The following SYCP2 variants were observed in gnomAD, a reference collection of about 807,000 sequenced individuals.
The protein encoded by SYCP2 is synaptonemal complex protein 2, also known as synaptonemal complex lateral element protein.
A neutral mutation model predicts 211.3 loss-of-function variants in SYCP2; 55 were observed. The ratio of observed to expected loss-of-function variants is 0.26; its 90% CI spans 0.21 to 0.33. The LOEUF is 0.33. SYCP2 is among the 10% of genes least tolerant of loss of function. The probability of loss-of-function intolerance (pLI) is 1.00; values close to 1 mark genes in which losing one functional copy is unlikely to be tolerated. For synonymous variants in SYCP2, 570 were observed against 555.2 expected (o/e 1.03, Z -0.37); for missense variants, 1,731 against 1,752.0 (o/e 0.99, Z 0.21).
Position 59,875,255 on chromosome 20 carries a change from A to G in SYCP2, c.3349+16T>C, listed in dbSNP as rs531304324. 6.5e-7 allele frequency: 1 copy of G among 1,533,198 alleles called. No homozygotes were observed. Among genetic ancestry groups the G allele is most frequent in the East Asian group, 2.3e-5 (1 of 43,480 alleles). The allele number at this position is 1,533,198 out of a possible 1,614,324, so 95.0% of individuals were successfully genotyped here. ...TATTGAATATTCAAGTAAAGAAAAA[A>G]CAAAGTTATACTGACATCTCGTTAC... is the stretch of plus-strand genomic sequence containing the variant. On this transcript the variant is annotated intron_variant, in intron 34 of 44. Transcript: ENST00000357552.
chr20:59,903,569 T>C (rs138713448), intron 15 of SYCP2, among the ~76,000 whole-genome samples: 80 of 152,108 alleles, frequency 5.3e-4, no homozygotes, highest in African/African-American at 1.9e-3. Context: ...GTGGAGAACT[T>C]GGAGAAATTA....
At chr20:59,905,508 A>G (rs1370274235) in intron 15 of SYCP2, among the ~76,000 whole-genome samples, 1 of 152,170 alleles carries the variant, frequency 6.6e-6, no homozygotes, top group Non-Finnish European at 1.5e-5. Context: ...GAAGCTGGAC[A>G]AAAATTGCTA....
chr20:59,881,441 T>C lies in SYCP2; in HGVS notation c.2710A>G (p.Arg904Gly), dbSNP rs199508061. The change falls in exon 29 of 45, where the codon AGA becomes GGA. Residue 904 changes from arginine to glycine, a missense_variant. Transcript: ENST00000357552. ...AKEACADRSI[R>G]LVGPRNHDEL... The stretch of plus-strand genomic sequence containing the variant: ...TAATCTAATAAAAATACCTACAATC[T>C]AATTGACCTATCCGCACAAGCTTCT... 1.0e-5 allele frequency: 15 copies of C among 1,501,444 alleles called. No individual in the cohort carries two copies. Among genetic ancestry groups the C allele is most frequent in the Non-Finnish European group, 1.4e-5 (15 of 1,102,098 alleles). 93.0% of individuals were successfully genotyped at this position (1,501,444 alleles called of 1,614,324 possible). A position where few individuals can be genotyped will look rare whatever the true frequency, so the allele number is the denominator to read the frequency against.
Position 59,875,309 on chromosome 20 carries a change from G to A in SYCP2, c.3311C>T (p.Ser1104Phe), listed in dbSNP as rs753842335. 1.2e-6 allele frequency: 2 copies of A among 1,610,770 alleles called. No homozygotes were observed. The highest frequency in any genetic ancestry group is 8.5e-7 in the Non-Finnish European group (1 of 1,178,108). Reference protein sequence around the residue: ...RDNCLDLSPRSLSGSPSSIEV... With the variant: ...RDNCLDLSPRFLSGSPSSIEV... ...TATAGATGATGGACTGCCAGATAAAGATCTGGGAGATAAGTCAAGGCAATT... is the reference window on the plus strand; with the variant it reads ...TATAGATGATGGACTGCCAGATAAAAATCTGGGAGATAAGTCAAGGCAATT... Residue 1104 changes from serine (S) to phenylalanine (F), a missense_variant, in exon 34 of 45, where the codon TCT becomes TTT. By Grantham distance (155) the Ser-to-Phe change is radical. Around this residue, in one of 3 missense-constraint regions of SYCP2, gnomAD observed 1,387 missense variants for 1,351.3 expected, o/e 1.03. Transcript: ENST00000357552.
intron 1 of SYCP2, among the ~76,000 whole-genome samples, chr20:59,932,930 C>T (rs556078641): frequency 1.1e-4 from 16 of 152,226 alleles, no homozygotes; most frequent in African/African-American, 3.6e-4. Context: ...CCCTTCTTCC[C>T]TAAGTGGAAC....
chr20:59,866,450 A>G (rs1250834843), intron 40 of SYCP2, 45 bp downstream of exon 40: 2 of 1,560,602 alleles, frequency 1.3e-6, no homozygotes, highest in Non-Finnish European at 1.8e-6. Context: ...GAATATAGGA[A>G]TATGTAGCAT....
chr20:59,919,556 A>C lies in SYCP2; in HGVS notation c.339T>G (p.Ser113Arg). The C allele has an allele frequency of 1.2e-6, 2 of 1,610,462 alleles. No individual in the cohort carries two copies. The highest frequency in any genetic ancestry group is 1.7e-6 in the Non-Finnish European group (2 of 1,177,864). Reference sequence around the variant, plus strand: ...CAGCTTCATCTTTTGAATTTCCTTGACTCTGAATAATGTCCTTGGATTTTT... The same window carrying C: ...CAGCTTCATCTTTTGAATTTCCTTGCCTCTGAATAATGTCCTTGGATTTTT... ...WFEKSKDIIQ[S>R]QGNSKDEAVL... The change falls in exon 6 of 45, where the codon AGT (serine) becomes AGG (arginine). Residue 113 changes from serine to arginine, a missense_variant. Ser to Arg is a moderately radical substitution (Grantham distance 110, BLOSUM62 -1). Transcript: ENST00000357552.
chr20:59,926,724 T>C (rs2060640661), intron 2 of SYCP2, among the ~76,000 whole-genome samples: 1 of 151,994 alleles, frequency 6.6e-6, no homozygotes, highest in South Asian at 2.1e-4. Context: ...GCCAAAAACA[T>C]GGGATTCAAA....
intron 15 of SYCP2, among the ~76,000 whole-genome samples, chr20:59,904,649 C>T (rs911024270): frequency 2.6e-5 from 4 of 151,954 alleles, no homozygotes; most frequent in African/African-American, 4.8e-5. Flanking sequence ...TATGACTGAT[C>T]GAGAGAGGAA....
At chr20:59,923,235 T>C (rs550558788) in intron 2 of SYCP2, among the ~76,000 whole-genome samples, 1 of 152,098 alleles carries the variant, frequency 6.6e-6, no homozygotes, top group African/African-American at 2.4e-5. Flanking sequence ...ATAAACGTCA[T>C]TGATTCTCCC....
intron 2 of SYCP2, among the ~76,000 whole-genome samples, chr20:59,929,594 G>A (rs191473706): frequency 2.0e-5 from 3 of 152,158 alleles, no homozygotes; most frequent in Admixed American, 2.0e-4. Flanking sequence ...CTCAGAATAT[G>A]GTGCATCTCA....
At chr20:59,929,848 A>G (rs867728266) in intron 2 of SYCP2, among the ~76,000 whole-genome samples, 10 of 152,122 alleles carry the variant, frequency 6.6e-5, no homozygotes, top group South Asian at 2.1e-4. Flanking sequence ...CAAAAAAAAA[A>G]AGAGAATTTT....
intron 26 of SYCP2, among the ~76,000 whole-genome samples, chr20:59,885,413 T>C (rs1287917770): frequency 6.6e-6 from 1 of 152,092 alleles, no homozygotes; most frequent in Non-Finnish European, 1.5e-5. Context: ...GAAACTGGGC[T>C]AATAGGAGTT....
At chr20:59,917,952 T>C (rs919814630) in intron 7 of SYCP2, among the ~76,000 whole-genome samples, 2 of 152,252 alleles carry the variant, frequency 1.3e-5, no homozygotes, top group African/African-American at 4.8e-5. Flanking sequence ...GTGAAAACTA[T>C]TTGAATCTAT....
chr20:59,883,017 A>C (rs1337726504), intron 26 of SYCP2, among the ~76,000 whole-genome samples: 1 of 152,194 alleles, frequency 6.6e-6, no homozygotes, highest in Non-Finnish European at 1.5e-5. Flanking sequence ...GAATAAAAAT[A>C]TATGCAAAAT....
intron 24 of SYCP2, among the ~76,000 whole-genome samples, chr20:59,887,962 A>C (rs530281230): frequency 6.6e-6 from 1 of 152,112 alleles, no homozygotes; most frequent in African/African-American, 2.4e-5. Flanking sequence ...ATCTACCAAA[A>C]CCTATGTAAA....
In SYCP2 at chr20:59,921,376, A is replaced by G; in HGVS notation, c.102T>C (p.Ile34=). 1 of 1,608,106 alleles carries G rather than the reference A, an allele frequency of 6.2e-7. No individual in the cohort carries two copies. Among genetic ancestry groups the G allele is most frequent in the South Asian group, 1.1e-5 (1 of 90,496 alleles). Residue 34 remains isoleucine (I), a synonymous_variant, in exon 4 of 45, where the codon ATT becomes ATC. Coordinates refer to ENST00000357552, the MANE Select transcript of SYCP2 (RefSeq NM_014258.4). ...TGCATTTAATCTTCACATCTTCACA[A>G]ATATCAATTTGCAAAAGTGTTTTCA... is the stretch of plus-strand genomic sequence containing the variant. The part of the protein sequence containing the change: ...KPLKTLLQID[I]CEDVKIKCSK...
Position 59,915,451 on chromosome 20 carries a change from G to T in SYCP2, c.599+14C>A. 6.6e-7 allele frequency: 1 copy of T among 1,517,436 alleles called. No homozygotes were observed. Among genetic ancestry groups the T allele is most frequent in the Non-Finnish European group, 9.1e-7 (1 of 1,094,678 alleles). 94.0% of individuals were successfully genotyped at this position (1,517,436 alleles called of 1,614,324 possible). A position where few individuals can be genotyped will look rare whatever the true frequency, so the allele number is the denominator to read the frequency against. ...GATTTTAAGAATAAAAACCATATAA[G>T]TACAGATTATTACATGAGAATTAAC... On this transcript the variant is annotated intron_variant, in intron 9 of 44. Coordinates refer to ENST00000357552, the MANE Select transcript of SYCP2 (RefSeq NM_014258.4).
At chr20:59,901,367 C>T (rs896761720) in intron 16 of SYCP2, among the ~76,000 whole-genome samples, 2 of 151,996 alleles carry the variant, frequency 1.3e-5, no homozygotes, top group South Asian at 2.1e-4. Flanking sequence ...GTAATTCTCA[C>T]GATGTTTAAG....
Sources: gnomAD v4.1 joint callset for allele counts (sites outside exome capture counted in the v4.1 genomes callset) on GRCh38, gnomAD v4.1.1 for gene constraint, gnomAD v4.1.1 regional missense constraint, MANE v1.5 for transcripts, NCBI Gene and HGNC (gene_info 2026-07-23, HGNC 2026-07-21) for gene names.